The following LPP variants were observed in gnomAD, a reference collection of about 807,000 sequenced individuals.
The protein encoded by LPP is LIM domain containing preferred translocation partner in lipoma, also known as lipoma-preferred partner.
In LPP, 38 loss-of-function variants were observed where a neutral mutation model predicts 60.4. The ratio of observed to expected loss-of-function variants is 0.63; its 90% CI spans 0.49 to 0.83. The LOEUF (loss-of-function observed/expected upper bound fraction) is 0.83. Among genes scored for constraint, LPP ranks in the 40% least tolerant of loss-of-function variants. The probability of loss-of-function intolerance (pLI) is 0.00; values close to 1 mark genes in which losing one functional copy is unlikely to be tolerated. For synonymous variants in LPP, 328 were observed against 290.8 expected (o/e 1.13, Z -1.30); for missense variants, 902 against 783.6 (o/e 1.15, Z -1.80).
At chr3:188,774,584 G>A (rs932662078) in intron 9 of LPP, among the ~76,000 whole-genome samples, 1 of 152,040 alleles carries the variant, frequency 6.6e-6, no homozygotes, top group Admixed American at 6.5e-5. Context: ...ATACAGTCTG[G>A]ATCACCATAA....
At chr3:188,763,803 T>G (rs1003683283) in intron 9 of LPP, among the ~76,000 whole-genome samples, 2 of 152,120 alleles carry the variant, frequency 1.3e-5, no homozygotes, top group African/African-American at 2.4e-5. Context: ...AGATAGTTAA[T>G]AAAAATTTTA....
intron 6 of LPP, among the ~76,000 whole-genome samples, chr3:188,545,165 TAGTGGGTG>T: frequency 8.2e-6 from 1 of 121,898 alleles, no homozygotes; most frequent in African/African-American, 3.3e-5. Context: ...GATGACACGT[TAGTGGGTG>T]CAGCGTACCA....
At chr3:188,634,994 A>C (rs190729109) in intron 7 of LPP, among the ~76,000 whole-genome samples, 1 of 152,168 alleles carries the variant, frequency 6.6e-6, no homozygotes, top group African/African-American at 2.4e-5. Flanking sequence ...CCAGAAAGAG[A>C]TTGTGCAGCC....
At chr3:188,184,663 A>G (rs2148936734) in intron 1 of LPP, among the ~76,000 whole-genome samples, 1 of 151,398 alleles carries the variant, frequency 6.6e-6, no homozygotes, top group East Asian at 2.0e-4. Flanking sequence ...CTTCTTTTTA[A>G]AGTGAATAGG....
chr3:188,634,510 G>T (rs1363459872), intron 7 of LPP, among the ~76,000 whole-genome samples: 1 of 152,230 alleles, frequency 6.6e-6, no homozygotes, highest in Non-Finnish European at 1.5e-5. Flanking sequence ...TGCACAGCAG[G>T]TGGTCAGTGG....
intron 7 of LPP, among the ~76,000 whole-genome samples, chr3:188,672,242 T>C (rs542763907): frequency 1.3e-5 from 2 of 152,252 alleles, no homozygotes; most frequent in East Asian, 3.9e-4. Flanking sequence ...TCCCAAATGC[T>C]ATTTATGGTG....
chr3:188,433,391 G>A (rs765225151), intron 4 of LPP, among the ~76,000 whole-genome samples: 1 of 152,080 alleles, frequency 6.6e-6, no homozygotes, highest in Non-Finnish European at 1.5e-5. Context: ...ATGTCAGGAT[G>A]TTGTCTGCAT....
intron 1 of LPP, among the ~76,000 whole-genome samples, chr3:188,162,293 C>A (rs73190736): frequency 0.11 from 16,088 of 152,246 alleles, 1,171 homozygotes; most frequent in East Asian, 0.28. Context: ...ATAAAACTTT[C>A]CTAACTGGGG....
At chr3:188,203,653 C>T (rs1732325563) in intron 1 of LPP, among the ~76,000 whole-genome samples, 1 of 126,666 alleles carries the variant, frequency 7.9e-6, no homozygotes, top group Non-Finnish European at 1.6e-5. Context: ...TATATTTTTT[C>T]TCTTTTTTGT....
intron 2 of LPP, among the ~76,000 whole-genome samples, chr3:188,244,027 C>T (rs113929449): frequency 0.017 from 2,587 of 152,228 alleles, 67 homozygotes; most frequent in African/African-American, 0.056. Flanking sequence ...CCCGTCACCA[C>T]GCCCGGCTAA....
At chr3:188,382,319 T>C (rs1198505862) in intron 3 of LPP, among the ~76,000 whole-genome samples, 1 of 152,216 alleles carries the variant, frequency 6.6e-6, no homozygotes, top group Non-Finnish European at 1.5e-5. Flanking sequence ...CATATTTGCC[T>C]AGAGATCAGT....
intron 6 of LPP, among the ~76,000 whole-genome samples, chr3:188,538,502 G>A (rs1291137281): frequency 6.6e-6 from 1 of 152,106 alleles, no homozygotes; most frequent in African/African-American, 2.4e-5. Context: ...ATCACTTCAC[G>A]CTCACTAAGG....
intron 1 of LPP, among the ~76,000 whole-genome samples, chr3:188,221,270 G>A (rs1408978535): frequency 2.0e-5 from 3 of 152,156 alleles, no homozygotes; most frequent in East Asian, 3.9e-4. Flanking sequence ...TTCAGGCATC[G>A]TTTAGAAGTC....
Position 188,587,284 on chromosome 3 carries a change from A to G in LPP, c.430-21877A>G, listed in dbSNP as rs1475282933. On this transcript the variant is annotated intron_variant, in intron 6 of 11. Transcript: ENST00000617246. Reference sequence around the variant, plus strand: ...CGTGAACCCGGGAAGCGGAGCTTGCAGTGAGCCGAGATTGCGCCACTGCAG... The same window carrying G: ...CGTGAACCCGGGAAGCGGAGCTTGCGGTGAGCCGAGATTGCGCCACTGCAG... Among the ~76,000 whole-genome samples, 16 of 2,368 alleles carry G rather than the reference A, an allele frequency of 6.8e-3. 7 individuals are homozygous for G. Among genetic ancestry groups the G allele is most frequent in the Non-Finnish European group, 0.027 (11 of 402 alleles). The allele number at this position is 2,368 out of a possible 152,430, so 1.6% of individuals were successfully genotyped here.
intron 2 of LPP, among the ~76,000 whole-genome samples, chr3:188,276,881 CTTCTTTTCTT>C (rs1327235320): frequency 4.5e-5 from 5 of 110,156 alleles, no homozygotes; most frequent in African/African-American, 1.3e-4. Context: ...AACTCAACCA[CTTCTTTTCTT>C]TTCTTTTTTT....
rs111665856 is a variant in LPP at position 188,731,756 on chromosome 3, T to C, written c.1240+23363T>C. Among the ~76,000 whole-genome samples, 11 of 152,192 alleles carry C rather than the reference T, an allele frequency of 7.2e-5. 1 individual carries two copies. The highest frequency in any genetic ancestry group is 2.6e-4 in the African/African-American group (11 of 41,540). On this transcript the variant is annotated intron_variant, in intron 8 of 11. Transcript: ENST00000617246. ...CCAGGCTGATCTCGAACTCCTGACCTTGTGATCCACCCACCTCAGCCTCCA... is the reference window on the plus strand; with the variant it reads ...CCAGGCTGATCTCGAACTCCTGACCCTGTGATCCACCCACCTCAGCCTCCA...
intron 2 of LPP, among the ~76,000 whole-genome samples, chr3:188,267,324 T>A (rs1735938694): frequency 6.6e-6 from 1 of 152,184 alleles, no homozygotes; most frequent in African/African-American, 2.4e-5. Context: ...TTCCCAGGAC[T>A]TTTTCTGAGG....
intron 9 of LPP, among the ~76,000 whole-genome samples, chr3:188,855,650 C>T (rs1242403315): frequency 3.3e-5 from 5 of 152,118 alleles, no homozygotes; most frequent in Non-Finnish European, 7.4e-5. Flanking sequence ...TTCTCTGTGC[C>T]CCAGGCATTG....
intron 3 of LPP, among the ~76,000 whole-genome samples, chr3:188,405,703 GATT>G (rs1000658007): frequency 6.6e-6 from 1 of 151,956 alleles, no homozygotes; most frequent in Non-Finnish European, 1.5e-5. Context: ...TAATTTAATA[GATT>G]ATTAATAAAA....
Sources: allele counts gnomAD v4.1 joint callset (sites outside exome capture counted in the v4.1 genomes callset), GRCh38; gene constraint gnomAD v4.1.1; transcripts MANE v1.5; gene names NCBI Gene and HGNC (gene_info 2026-07-23, HGNC 2026-07-21).